The following IP6K1 variants were observed in gnomAD, a reference collection of about 807,000 sequenced individuals.
IP6K1 encodes the protein inositol hexakisphosphate kinase 1.
Under a neutral mutation model 38.3 loss-of-function variants are expected in IP6K1, and 13 were observed. The ratio of observed to expected loss-of-function variants is 0.34; its 90% CI spans 0.22 to 0.54. IP6K1 has a LOEUF of 0.54. Ranked by LOEUF, IP6K1 falls within the 20% of genes least tolerant of loss-of-function variation. The pLI, the probability that IP6K1 is intolerant of heterozygous loss-of-function variation, is 0.92. For missense variants in IP6K1, 397 were observed against 599.8 expected, an observed-to-expected ratio of 0.66 and a Z score of 3.53; for synonymous variants, 212 against 229.9, an observed-to-expected ratio of 0.92 and a Z score of 0.70.
chr3:49,760,067 C>T (rs2080855477), intron 1 of IP6K1, among the ~76,000 whole-genome samples: 1 of 152,080 alleles, frequency 6.6e-6, no homozygotes, highest in Admixed American at 6.6e-5. Context: ...ATTTTCCCTT[C>T]CTTTTTTTTG....
intron 1 of IP6K1, among the ~76,000 whole-genome samples, chr3:49,757,974 T>C (rs1368158602): frequency 6.6e-6 from 1 of 152,170 alleles, no homozygotes; most frequent in African/African-American, 2.4e-5. Context: ...CATTGACCTT[T>C]TTAGATTATC....
At chr3:49,755,522 G>A (rs961073421) in intron 1 of IP6K1, among the ~76,000 whole-genome samples, 21 of 152,134 alleles carry the variant, frequency 1.4e-4, no homozygotes, top group Admixed American at 1.4e-3. Context: ...TTTGGCAAAT[G>A]TGTCTTTAAT....
At chr3:49,781,341 G>A (rs1025623379) in intron 1 of IP6K1, among the ~76,000 whole-genome samples, 1 of 152,192 alleles carries the variant, frequency 6.6e-6, no homozygotes, top group Non-Finnish European at 1.5e-5. Flanking sequence ...GGGATTACAG[G>A]CGTGACCCAC....
intron 4 of IP6K1, among the ~76,000 whole-genome samples, chr3:49,730,720 G>A (rs1299680064): frequency 1.3e-5 from 2 of 151,560 alleles, no homozygotes; most frequent in Non-Finnish European, 2.9e-5. Context: ...CTAATTTTTT[G>A]TATTTTTTTT....
At chr3:49,737,537 T>C (rs2080623343) in intron 3 of IP6K1, among the ~76,000 whole-genome samples, 1 of 151,958 alleles carries the variant, frequency 6.6e-6, no homozygotes, top group Non-Finnish European at 1.5e-5. Flanking sequence ...AATACAAAAA[T>C]TAGCTGGGTG....
intron 1 of IP6K1, among the ~76,000 whole-genome samples, chr3:49,761,442 A>G (rs984355211): frequency 3.3e-5 from 5 of 151,472 alleles, no homozygotes; most frequent in Non-Finnish European, 4.4e-5. Context: ...GTGAAACCCC[A>G]TCTCTACTAA....
rs140914398 is a variant in IP6K1 at position 49,728,045 on chromosome 3, G to C, written c.792+58C>G. On this transcript the variant is annotated intron_variant, in intron 5 of 5. Coordinates refer to ENST00000321599, the MANE Select transcript of IP6K1 (RefSeq NM_153273.4). ...CTTGGCATAGATGGCAGGCAGGTAT[G>C]AGCACAACCCAAATCATGCAAGTGG... The C allele has an allele frequency of 5.8e-6, 9 of 1,544,332 alleles. No homozygotes were observed. The East Asian group carries it at 1.8e-4, about 31-fold the overall frequency.
Position 49,747,837 on chromosome 3 carries a change from C to T in IP6K1, c.204G>A (p.Glu68=), listed in dbSNP as rs758109469. ...ACTGACCTTTGTATTCAGGGGTGAA[C>T]TCCTTCATTTCGGGAGGGAGGGACT... ...FYESLPPEMK[E]FTPEYKGVVS... Residue 68 remains glutamate, a synonymous_variant, in exon 2 of 6, where the codon GAG becomes GAA. Coordinates refer to ENST00000321599, the MANE Select transcript of IP6K1 (RefSeq NM_153273.4). The T allele has an allele frequency of 2.5e-6, 4 of 1,614,162 alleles. No homozygotes were observed. In the East Asian group the frequency reaches 6.7e-5, roughly 27 times the overall value.
At chr3:49,775,425 T>C in intron 1 of IP6K1, 2 of 449,838 alleles carry the variant, frequency 4.4e-6, no homozygotes, top group Non-Finnish European at 8.4e-6. Flanking sequence ...ATGTGATGAG[T>C]GTAACTACGT....
rs765635786 is a variant in IP6K1, at chr3:49,738,235, G to A, written c.411C>T (p.Ser137=). ...SGSDHKEEKA[S]LSLETSESSQ... ...ACCTCTCAGAGGTCTCAAGGGACAG[G>A]CTGGCTTTCTCCTCCTTGTGGTCAC... Residue 137 remains serine, a synonymous_variant, in exon 3 of 6, where the codon AGC becomes AGT. Coordinates refer to ENST00000321599, the MANE Select transcript of IP6K1 (RefSeq NM_153273.4). The A allele has an allele frequency of 6.2e-7, 1 of 1,614,110 alleles. No homozygotes were observed. Among genetic ancestry groups the A allele is most frequent in the Admixed American group, 1.7e-5 (1 of 60,020 alleles).
chr3:49,781,687 A>AT (rs2081067147), intron 1 of IP6K1, among the ~76,000 whole-genome samples: 1 of 152,160 alleles, frequency 6.6e-6, no homozygotes, highest in Admixed American at 6.5e-5. Context: ...CAGCTGGACT[A>AT]TATCACCTTA....
chr3:49,776,158 AAAGT>A (rs2081006994), intron 1 of IP6K1, among the ~76,000 whole-genome samples: 1 of 152,054 alleles, frequency 6.6e-6, no homozygotes, highest in African/African-American at 2.4e-5. Context: ...TTACATTAAT[AAAGT>A]TAGTGTTTAT....
intron 4 of IP6K1, among the ~76,000 whole-genome samples, chr3:49,730,605 A>G (rs1343141139): frequency 6.6e-6 from 1 of 151,872 alleles, no homozygotes; most frequent in Non-Finnish European, 1.5e-5. Flanking sequence ...GGAGTGCAGT[A>G]GCACAATTTC....
chr3:49,776,453 G>T (rs2108262537), intron 1 of IP6K1, among the ~76,000 whole-genome samples: 1 of 151,896 alleles, frequency 6.6e-6, no homozygotes, highest in South Asian at 2.1e-4. Context: ...GGAGGCGGAG[G>T]TTGCAGTGAG....
intron 1 of IP6K1, among the ~76,000 whole-genome samples, chr3:49,757,449 C>T (rs1250803810): frequency 6.6e-6 from 1 of 152,166 alleles, no homozygotes; most frequent in Admixed American, 6.5e-5. Context: ...CTCTGCTAGG[C>T]AGGGTGGCTC....
intron 1 of IP6K1, among the ~76,000 whole-genome samples, chr3:49,779,112 GCTAT>G: frequency 6.6e-6 from 1 of 152,262 alleles, no homozygotes; most frequent in South Asian, 2.1e-4. Flanking sequence ...ATACTCTTAA[GCTAT>G]CTTTTTCCCT....
At chr3:49,729,395 A>C (rs189210094) in intron 4 of IP6K1, among the ~76,000 whole-genome samples, 1 of 149,470 alleles carries the variant, frequency 6.7e-6, no homozygotes, top group African/African-American at 2.5e-5. Context: ...ATGTTGATTT[A>C]TTTTTGTTAT....
chr3:49,754,881 A>G (rs1252044922), intron 1 of IP6K1, among the ~76,000 whole-genome samples: 3 of 151,842 alleles, frequency 2.0e-5, no homozygotes, highest in African/African-American at 7.3e-5. Flanking sequence ...TTTGGCCAAC[A>G]TATTTTTACA....
intron 1 of IP6K1, among the ~76,000 whole-genome samples, chr3:49,783,767 T>G (rs1394616808): frequency 1.3e-5 from 2 of 151,570 alleles, no homozygotes; most frequent in Non-Finnish European, 2.9e-5. Flanking sequence ...CCCCCTCCTT[T>G]CAAGAACTGC....
Sources: gnomAD v4.1 joint callset for allele counts (sites outside exome capture counted in the v4.1 genomes callset) on GRCh38, gnomAD v4.1.1 for gene constraint, MANE v1.5 for transcripts, NCBI Gene and HGNC (gene_info 2026-07-23, HGNC 2026-07-21) for gene names.